The following HEMK2 variants were observed in gnomAD, a reference collection of about 807,000 sequenced individuals.
The protein encoded by HEMK2 is HemK methyltransferase 2, ETF1 glutamine and histone H4 lysine, also known as methyltransferase HEMK2.
the HEMK2 span, among the ~76,000 whole-genome samples, chr21:28,806,227 T>C: frequency 6.6e-6 from 1 of 152,248 alleles, no homozygotes; most frequent in South Asian, 2.1e-4. Context: ...AAGGGAAATG[T>C]TGTCACGACA....
chr21:28,611,941 C>CA, the HEMK2 span, among the ~76,000 whole-genome samples: 1 of 138,480 alleles, frequency 7.2e-6, no homozygotes, highest in Non-Finnish European at 1.6e-5. Flanking sequence ...AAGTTACCAA[C>CA]AAAAAAATTT....
chr21:28,615,521 A>G, the HEMK2 span, among the ~76,000 whole-genome samples: 1 of 152,104 alleles, frequency 6.6e-6, no homozygotes, highest in Non-Finnish European at 1.5e-5. Context: ...GCACACCAGC[A>G]TGAGGACCAA....
At chr21:28,645,052 T>C in the HEMK2 span, among the ~76,000 whole-genome samples, 1 of 152,180 alleles carries the variant, frequency 6.6e-6, no homozygotes, top group Non-Finnish European at 1.5e-5. Context: ...AGTTACCTCC[T>C]TCTCCTCATC....
At chr21:28,730,359 C>A in the HEMK2 span, among the ~76,000 whole-genome samples, 74,669 of 150,750 alleles carry the variant, frequency 0.5, 20,955 homozygotes, top group East Asian at 0.78. Context: ...CCAGCCTGGG[C>A]AAACCTTGTC....
At chr21:28,581,162 A>G in the HEMK2 span, among the ~76,000 whole-genome samples, 1 of 151,788 alleles carries the variant, frequency 6.6e-6, no homozygotes, top group African/African-American at 2.4e-5. Flanking sequence ...GAGACAGAAC[A>G]TACTTATTCA....
At chr21:28,863,451 T>G in the HEMK2 span, among the ~76,000 whole-genome samples, 1 of 95,078 alleles carries the variant, frequency 1.1e-5, no homozygotes, top group African/African-American at 4.5e-5. Flanking sequence ...TATATATATA[T>G]ATATATATAT....
chr21:28,784,611 C>T, the HEMK2 span, among the ~76,000 whole-genome samples: 2 of 151,864 alleles, frequency 1.3e-5, no homozygotes, highest in African/African-American at 2.4e-5. Flanking sequence ...CCAATCAGCA[C>T]CCTGTGTCTA....
the HEMK2 span, among the ~76,000 whole-genome samples, chr21:28,830,647 G>A: frequency 6.6e-6 from 1 of 152,208 alleles, no homozygotes; most frequent in Non-Finnish European, 1.5e-5. Flanking sequence ...GGAGACCAAG[G>A]TGGGCAGATC....
the HEMK2 span, among the ~76,000 whole-genome samples, chr21:28,644,349 T>C: frequency 8.5e-5 from 13 of 152,164 alleles, no homozygotes; most frequent in Non-Finnish European, 1.5e-4. Context: ...CACCTCTACC[T>C]GGTCTCTCCC....
the HEMK2 span, among the ~76,000 whole-genome samples, chr21:28,603,257 T>C: frequency 6.6e-6 from 1 of 152,196 alleles, no homozygotes; most frequent in Non-Finnish European, 1.5e-5. Context: ...TTGCCACTAA[T>C]ACTAATCTCA....
chr21:28,776,607 C>G, the HEMK2 span, among the ~76,000 whole-genome samples: 225 of 152,314 alleles, frequency 1.5e-3, 1 homozygote, highest in African/African-American at 5.2e-3. Context: ...AATGGGCCAT[C>G]TGCAAGCTGA....
chr21:28,831,518 A>AGAAGGAAGGAAAGAAG, the HEMK2 span, among the ~76,000 whole-genome samples: 2 of 76,722 alleles, frequency 2.6e-5, no homozygotes, highest in East Asian at 9.4e-4. Context: ...AAAGAAAGAA[A>AGAAGGAAGGAAAGAAG]GAAAGAAGGA....
chr21:28,579,033 A>G, the HEMK2 span, among the ~76,000 whole-genome samples: 94,059 of 152,016 alleles, frequency 0.62, 31,338 homozygotes, highest in Non-Finnish European at 0.75. Flanking sequence ...AGAGGTTATC[A>G]GATTCTATTG....
At chr21:28,718,453 G>A in the HEMK2 span, among the ~76,000 whole-genome samples, 2 of 152,150 alleles carry the variant, frequency 1.3e-5, no homozygotes, top group South Asian at 4.1e-4. Context: ...GTCAAGTGTT[G>A]AATTTAAGTC....
At chr21:28,745,284 G>A in the HEMK2 span, among the ~76,000 whole-genome samples, 1 of 152,298 alleles carries the variant, frequency 6.6e-6, no homozygotes, top group East Asian at 1.9e-4. Flanking sequence ...TGGAGAAAAT[G>A]TCTGAAAATC....
the HEMK2 span, among the ~76,000 whole-genome samples, chr21:28,804,964 A>G: frequency 6.6e-6 from 1 of 152,240 alleles, no homozygotes; most frequent in Non-Finnish European, 1.5e-5. Context: ...CATTAAATAT[A>G]CAGCTTACCA....
the HEMK2 span, chr21:28,882,142 G>A: frequency 1.9e-6 from 3 of 1,547,106 alleles, no homozygotes; most frequent in South Asian, 1.2e-5. Context: ...AATTATTACT[G>A]GACAAAGATT....
At chr21:28,750,910 T>C in the HEMK2 span, among the ~76,000 whole-genome samples, 3 of 152,118 alleles carry the variant, frequency 2.0e-5, no homozygotes, top group Non-Finnish European at 1.5e-5. Flanking sequence ...CCACTCGCCA[T>C]GTTTAGAAAC....
the HEMK2 span, among the ~76,000 whole-genome samples, chr21:28,761,502 T>A: frequency 2.6e-5 from 4 of 152,050 alleles, no homozygotes; most frequent in Admixed American, 2.6e-4. Flanking sequence ...AAAAATCGGA[T>A]GACCTGAAGT....
Sources: allele counts gnomAD v4.1 joint callset (sites outside exome capture counted in the v4.1 genomes callset), GRCh38; gene constraint gnomAD v4.1.1; transcripts MANE v1.5; gene names NCBI Gene and HGNC (gene_info 2026-07-23, HGNC 2026-07-21).